Variants in ZNF638 observed in about 807,000 individuals in gnomAD.
The protein encoded by ZNF638 is CTCL tumor antigen se33-1.
A neutral mutation model predicts 195.6 loss-of-function variants in ZNF638; 46 were observed. The observed-to-expected ratio is 0.24, with a 90% CI of 0.19 to 0.30. ZNF638 has a LOEUF of 0.30. Ranked by LOEUF, ZNF638 falls within the 10% of genes least tolerant of loss-of-function variation. The pLI is 1.00. For synonymous variants in ZNF638, 845 were observed against 772.0 expected (o/e 1.09, Z -1.57); for missense variants, 2,440 against 2,325.3 (o/e 1.05, Z -1.01).
At chr2:71,344,576 T>C (rs771787868) in intron 1 of ZNF638, among the ~76,000 whole-genome samples, 7 of 152,236 alleles carry the variant, frequency 4.6e-5, no homozygotes, top group African/African-American at 1.2e-4. Flanking sequence ...TTTGAACTTA[T>C]TCTCTAGATT....
intron 19 of ZNF638, chr2:71,407,811 A>G (rs2080135492): frequency 5.4e-6 from 1 of 186,238 alleles, no homozygotes; most frequent in Non-Finnish European, 1.1e-5. Context: ...ACTTAGTATA[A>G]TGTCTCTAAG....
chr2:71,384,215 C>A (rs1414244575), intron 10 of ZNF638, among the ~76,000 whole-genome samples: 8 of 152,104 alleles, frequency 5.3e-5, no homozygotes, highest in Non-Finnish European at 1.5e-5. Context: ...TAATTCAGAC[C>A]TGTCGTCTCA....
At chr2:71,393,610 A>G (rs1197434092) in intron 10 of ZNF638, 2 of 717,868 alleles carry the variant, frequency 2.8e-6, no homozygotes, top group Admixed American at 4.0e-5. Context: ...GAAACCATTC[A>G]CTCCAGATAA....
chr2:71,339,712 G>C lies in ZNF638; in HGVS notation c.-203+7837G>C, dbSNP rs116815660. 2.8e-3 allele frequency among the ~76,000 whole-genome samples: 430 copies of C among 152,098 alleles called. 4 individuals carry two copies. Among genetic ancestry groups the C allele is most frequent in the African/African-American group, 9.9e-3 (412 of 41,462 alleles). The stretch of plus-strand genomic sequence containing the variant: ...AGTTTCTCAGTAAAGCAGTAAATAG[G>C]GCTGTTAACAGCATTTGAATTTTAG... On this transcript the variant is annotated intron_variant, in intron 1 of 27. Transcript: ENST00000264447.
intron 1 of ZNF638, among the ~76,000 whole-genome samples, chr2:71,340,392 C>G (rs746174198): frequency 6.6e-6 from 1 of 152,122 alleles, no homozygotes. Context: ...GCTTTATCTG[C>G]GTGGTAGGAG....
rs543374405 is a variant in ZNF638, at chr2:71,406,980, A to G, written c.3135+718A>G. Among the ~76,000 whole-genome samples the G allele has an allele frequency of 2.0e-5, 3 of 152,344 alleles. No individual in the cohort carries two copies. The South Asian group carries it at 6.2e-4, about 32-fold the overall frequency. On this transcript the variant is annotated intron_variant, in intron 19 of 27. Transcript: ENST00000264447. Reference sequence around the variant, plus strand: ...ACGCCACCACACTCCAGCCTGGGTAACATAGCGAGACCCTGTCTCAAAAAT... The same window carrying G: ...ACGCCACCACACTCCAGCCTGGGTAGCATAGCGAGACCCTGTCTCAAAAAT...
Position 71,398,694 on chromosome 2 carries a change from GA to G in ZNF638, c.2429-6del, listed in dbSNP as rs751157572. 1 of 1,612,752 alleles carries G rather than the reference GA, an allele frequency of 6.2e-7. No individual in the cohort carries two copies. On this transcript the variant is annotated splice_polypyrimidine_tract_variant and splice_region_variant and intron_variant, in intron 11 of 27. Coordinates refer to ENST00000264447, the MANE Select transcript of ZNF638 (RefSeq NM_014497.5). The stretch of plus-strand genomic sequence containing the variant: ...AACCAGTTTTGACTGCATCTTTTGT[GA>G]TTTAGGGAAATCAGCAAGTTCTGTA...
chr2:71,426,623 A>G lies in ZNF638; in HGVS notation c.4754A>G (p.Lys1585Arg), dbSNP rs1424099351. Reference sequence around the variant, plus strand: ...CTTAACTTAAAGAAGAAAAAGGGGAAAACTTCCACTCCTCGTGGTGTTGAG... The same window carrying G: ...CTTAACTTAAAGAAGAAAAAGGGGAGAACTTCCACTCCTCGTGGTGTTGAG... ...SELNLKKKKG[K>R]TSTPRGVEGE... Residue 1585 changes from lysine to arginine, a missense_variant, in exon 24 of 28, where the codon AAA becomes AGA. Transcript: ENST00000264447. 2.5e-6 allele frequency: 4 copies of G among 1,614,152 alleles called. No homozygotes were observed. Among genetic ancestry groups the G allele is most frequent in the Non-Finnish European group, 3.4e-6 (4 of 1,180,018 alleles).
At chr2:71,339,656 G>A (rs902099953) in intron 1 of ZNF638, among the ~76,000 whole-genome samples, 13 of 152,154 alleles carry the variant, frequency 8.5e-5, no homozygotes, top group Admixed American at 6.5e-4. Flanking sequence ...CTGTTCCAGT[G>A]GCTTTTGTTG....
At chr2:71,355,457 A>G (rs533774849) in intron 2 of ZNF638, among the ~76,000 whole-genome samples, 1 of 152,296 alleles carries the variant, frequency 6.6e-6, no homozygotes, top group East Asian at 1.9e-4. Context: ...TGATTTCAAA[A>G]TGAGCATCCA....
At chr2:71,421,123 G>C (rs1421886083) in intron 21 of ZNF638, among the ~76,000 whole-genome samples, 1 of 152,006 alleles carries the variant, frequency 6.6e-6, no homozygotes, top group African/African-American at 2.4e-5. Flanking sequence ...TTTTATGTAG[G>C]GTTAATATGC....
intron 10 of ZNF638, among the ~76,000 whole-genome samples, chr2:71,393,174 G>GT (rs112103345): frequency 4.7e-4 from 71 of 152,252 alleles, no homozygotes; most frequent in African/African-American, 1.7e-3. Flanking sequence ...GGGAAAATGA[G>GT]TAAGGACCCT....
At chr2:71,351,204 A>T (rs1471514652) in intron 2 of ZNF638, among the ~76,000 whole-genome samples, 2 of 152,192 alleles carry the variant, frequency 1.3e-5, no homozygotes. Flanking sequence ...TAGGCTTAAA[A>T]ATCTGTGTGT....
intron 12 of ZNF638, among the ~76,000 whole-genome samples, chr2:71,399,156 C>A (rs2079955140): frequency 6.6e-6 from 1 of 152,006 alleles, no homozygotes; most frequent in Non-Finnish European, 1.5e-5. Context: ...TAGGAGAATT[C>A]ATTTTTTTTC....
chr2:71,383,762 C>CTTTTTTTTTTTTTTTTTT (rs1181570876), intron 10 of ZNF638, among the ~76,000 whole-genome samples: 22 of 76,718 alleles, frequency 2.9e-4, no homozygotes, highest in East Asian at 8.1e-4. Context: ...TTTTCTTTTT[C>CTTTTTTTTTTTTTTTTTT]TTTTTTTTTT....
chr2:71,423,807 A>T lies in ZNF638; in HGVS notation c.4293A>T (p.Lys1431Asn). The change falls in exon 22 of 28, where the codon AAA (lysine) becomes AAT (asparagine). Residue 1431 changes from lysine to asparagine, a missense_variant. By Grantham distance (94) the Lys-to-Asn change is moderately conservative (BLOSUM62 0). Around this residue, in one of 5 missense-constraint regions of ZNF638, gnomAD observed 1,883 missense variants for 1,739.1 expected, o/e 1.08. Transcript: ENST00000264447. ...GAGATCAAATAAATGCTGAAAAGAA[A>T]CTTTCAGCCAAGGAATTTGGTCTGC... The part of the protein sequence containing the change: ...VPRDQINAEK[K>N]LSAKEFGLLK... The T allele has an allele frequency of 6.2e-7, 1 of 1,614,074 alleles. No individual in the cohort carries two copies. The highest frequency in any genetic ancestry group is 8.5e-7 in the Non-Finnish European group (1 of 1,180,004).
chr2:71,349,131 A>G lies in ZNF638; in HGVS notation c.177A>G (p.Glu59=), dbSNP rs527383849. 3 of 1,614,224 alleles carry G rather than the reference A, an allele frequency of 1.9e-6. No homozygotes were observed. Among genetic ancestry groups the G allele is most frequent in the Admixed American group, 3.3e-5 (2 of 60,026 alleles). The change falls in exon 2 of 28, where the codon GAA becomes GAG. Residue 59 remains glutamate (E), a synonymous_variant. Coordinates refer to ENST00000264447, the MANE Select transcript of ZNF638 (RefSeq NM_014497.5). ...TTCCACACAGATTTGCTGGCCATGA[A>G]TCTTATCAGAACATGGGGCCACAGA... ...RGIPHRFAGH[E]SYQNMGPQRM...
intron 1 of ZNF638, among the ~76,000 whole-genome samples, chr2:71,341,357 A>C (rs1399288457): frequency 1.3e-5 from 2 of 152,226 alleles, no homozygotes; most frequent in Non-Finnish European, 2.9e-5. Context: ...TGTCACTATT[A>C]AGTATCCAGT....
chr2:71,345,351 A>ATT (rs1318765169), intron 1 of ZNF638, among the ~76,000 whole-genome samples: 1 of 152,086 alleles, frequency 6.6e-6, no homozygotes, highest in East Asian at 1.9e-4. Flanking sequence ...TTTTTTAACC[A>ATT]TTGAAGATAT....
Sources: gnomAD v4.1 joint callset for allele counts (sites outside exome capture counted in the v4.1 genomes callset) on GRCh38, gnomAD v4.1.1 for gene constraint, gnomAD v4.1.1 regional missense constraint, MANE v1.5 for transcripts, NCBI Gene and HGNC (gene_info 2026-07-23, HGNC 2026-07-21) for gene names.